The following BAZ1B variants were observed in gnomAD, a reference collection of about 807,000 sequenced individuals.
The protein encoded by BAZ1B is tyrosine-protein kinase BAZ1B.
BAZ1B carries 22 observed loss-of-function variants against 153.8 expected under a neutral mutation model. That is an observed-to-expected ratio of 0.14 (90% confidence interval 0.10 to 0.20). The LOEUF is 0.20. Ranked by LOEUF, BAZ1B falls within the 10% of genes least tolerant of loss-of-function variation. BAZ1B has a pLI of 1.00. For missense variants in BAZ1B, 1,325 were observed against 1,799.3 expected, an observed-to-expected ratio of 0.74 and a Z score of 4.77; for synonymous variants, 676 against 633.4, an observed-to-expected ratio of 1.07 and a Z score of -1.01.
At chr7:73,480,917 G>A (rs1001138233) in intron 6 of BAZ1B, among the ~76,000 whole-genome samples, 1 of 152,020 alleles carries the variant, frequency 6.6e-6, no homozygotes, top group Admixed American at 6.6e-5. Context: ...GTACTATAAA[G>A]CCATTTAAAT....
Position 73,489,266 on chromosome 7 carries a change from G to A in BAZ1B, c.819C>T (p.Val273=), listed in dbSNP as rs782143881. The change falls in exon 6 of 20, where the codon GTC becomes GTT. Residue 273 remains valine (V), a synonymous_variant. Transcript: ENST00000339594. ...RAGTGENAPW[V]VEDELVKKYS... ...ATTTCTTCACCAATTCATCTTCTAC[G>A]ACCCAAGGTGCATTTTCACCAGTAC... 90 of 1,613,950 alleles carry A rather than the reference G, an allele frequency of 5.6e-5. 1 individual carries two copies. The highest frequency in any genetic ancestry group is 7.3e-5 in the Non-Finnish European group (86 of 1,180,036).
At chr7:73,479,063 G>A (rs1789101161) in intron 6 of BAZ1B, among the ~76,000 whole-genome samples, 1 of 150,720 alleles carries the variant, frequency 6.6e-6, no homozygotes, top group African/African-American at 2.5e-5. Flanking sequence ...AAGTAGAAAT[G>A]ATACTGTTTA....
At chr7:73,520,212 A>G (rs1554579933) in intron 1 of BAZ1B, among the ~76,000 whole-genome samples, 1 of 146,896 alleles carries the variant, frequency 6.8e-6, no homozygotes, top group African/African-American at 2.5e-5. Context: ...CTCCGTCTCA[A>G]AAAAAAAAAA....
In BAZ1B at chr7:73,477,315, A is replaced by G; in HGVS notation, c.2146T>C (p.Ser716Pro). ...EGSDTDDNKD[S>P]AAFEDNEVQD... ...ACCTCATTATCCTCAAATGCAGCTG[A>G]ATCTTTATTGTCATCTGTGTCTGAG... Residue 716 changes from serine to proline, a missense_variant, in exon 7 of 20, where the codon TCA becomes CCA. Physicochemically the swap from Ser to Pro is moderately conservative, Grantham distance 74. Coordinates refer to ENST00000339594, the MANE Select transcript of BAZ1B (RefSeq NM_032408.4). The surrounding 1 kb of genome is among the most constrained non-coding windows in gnomAD (Gnocchi z 5.6). The G allele has an allele frequency of 6.2e-7, 1 of 1,614,226 alleles. No homozygotes were observed. Among genetic ancestry groups the G allele is most frequent in the Non-Finnish European group, 8.5e-7 (1 of 1,180,046 alleles).
intron 3 of BAZ1B, among the ~76,000 whole-genome samples, chr7:73,504,301 G>T (rs1245317019): frequency 1.3e-5 from 2 of 152,136 alleles, no homozygotes; most frequent in Non-Finnish European, 2.9e-5. Flanking sequence ...GGAGGATCAT[G>T]CAAGTCCAGG....
intron 3 of BAZ1B, among the ~76,000 whole-genome samples, chr7:73,501,271 C>CA (rs1554577110): frequency 6.6e-6 from 1 of 151,990 alleles, no homozygotes; most frequent in Non-Finnish European, 1.5e-5. Context: ...CAAAACAAAA[C>CA]AAAACAAAAA....
At chr7:73,508,580 T>G in intron 2 of BAZ1B, 109 bp from the exon 3 acceptor site, 2 of 1,285,454 alleles carry the variant, frequency 1.6e-6, no homozygotes, top group Non-Finnish European at 2.1e-6. Flanking sequence ...TTTCAAACAT[T>G]TATCGCTCTG....
chr7:73,466,280 T>A lies in BAZ1B; in HGVS notation c.2972+16A>T. On this transcript the variant is annotated intron_variant, in intron 10 of 19. Coordinates refer to ENST00000339594, the MANE Select transcript of BAZ1B (RefSeq NM_032408.4). The stretch of plus-strand genomic sequence containing the variant: ...AAAGGAAAAAGAAAGAGCAACCAGA[T>A]GAATGCTCACATTACCATAGGTTCT... 1 of 1,559,796 alleles carries A rather than the reference T, an allele frequency of 6.4e-7. No homozygotes were observed. The highest frequency in any genetic ancestry group is 8.8e-7 in the Non-Finnish European group (1 of 1,132,502).
chr7:73,509,998 G>A (rs1359157379), intron 2 of BAZ1B, among the ~76,000 whole-genome samples: 1 of 151,322 alleles, frequency 6.6e-6, no homozygotes, highest in Non-Finnish European at 1.5e-5. Flanking sequence ...GTGGTGGTGA[G>A]CGCCTGTAGA....
chr7:73,476,704 A>G (rs188160483), intron 7 of BAZ1B, among the ~76,000 whole-genome samples, 164 bp downstream of exon 7: 12 of 152,360 alleles, frequency 7.9e-5, no homozygotes, highest in Admixed American at 1.3e-4. Context: ...GAAATATGAA[A>G]TTATCAACAG....
chr7:73,459,597 C>T lies in BAZ1B; in HGVS notation c.3371G>A (p.Ser1124Asn). The T allele has an allele frequency of 1.2e-6, 2 of 1,614,054 alleles. No homozygotes were observed. Among genetic ancestry groups the T allele is most frequent in the South Asian group, 1.1e-5 (1 of 91,086 alleles). The change falls in exon 13 of 20, where the codon AGT becomes AAT. Residue 1124 changes from serine to asparagine, a missense_variant. By Grantham distance (46) the Ser-to-Asn change is conservative. Coordinates refer to ENST00000339594, the MANE Select transcript of BAZ1B (RefSeq NM_032408.4). ...APKQKRRKLQ[S>N]EDSAKTEEVD... ...TTCCTCAGTTTTTGCTGAATCTTCA[C>T]TTTGGAGTTTTCTTCTCTTTTGCTT... is the stretch of plus-strand genomic sequence containing the variant.
At chr7:73,508,964 G>A (rs1371558520) in intron 2 of BAZ1B, among the ~76,000 whole-genome samples, 1 of 148,850 alleles carries the variant, frequency 6.7e-6, no homozygotes, top group Admixed American at 6.8e-5. Flanking sequence ...AGTGAGCCGA[G>A]ATCGCACCAC....
At chr7:73,462,307 T>C (rs1788424078) in intron 12 of BAZ1B, among the ~76,000 whole-genome samples, 1 of 152,212 alleles carries the variant, frequency 6.6e-6, no homozygotes, top group African/African-American at 2.4e-5. Context: ...TATTAATATG[T>C]CTAGAATTAT....
At chr7:73,459,812 GC>G in intron 12 of BAZ1B, 94 bp from the exon 13 acceptor site, 1 of 1,106,554 alleles carries the variant, frequency 9.0e-7, no homozygotes, top group Non-Finnish European at 1.3e-6. Context: ...AGACTCAAAT[GC>G]CACATAACAT....
At chr7:73,451,730 G>C (rs1788032579) in intron 13 of BAZ1B, among the ~76,000 whole-genome samples, 1 of 152,198 alleles carries the variant, frequency 6.6e-6, no homozygotes, top group Admixed American at 6.5e-5. Flanking sequence ...TTCAACATCT[G>C]CTTTGAAAAA....
intron 13 of BAZ1B, among the ~76,000 whole-genome samples, chr7:73,457,100 A>T (rs797032573): frequency 2.6e-5 from 4 of 152,148 alleles, no homozygotes; most frequent in African/African-American, 9.6e-5. Flanking sequence ...GAATTACCAT[A>T]TGATGCAGCA....
At chr7:73,499,634 TGA>T (rs1554576861) in intron 3 of BAZ1B, among the ~76,000 whole-genome samples, 6 of 152,188 alleles carry the variant, frequency 3.9e-5, no homozygotes, top group African/African-American at 1.4e-4. Context: ...CCCAGGTTTT[TGA>T]GGCTGCAGTA....
At chr7:73,493,155 T>C (rs553353339) in intron 4 of BAZ1B, among the ~76,000 whole-genome samples, 5 of 152,134 alleles carry the variant, frequency 3.3e-5, no homozygotes, top group African/African-American at 1.2e-4. Context: ...GTAATAGAAG[T>C]TGGTAAAGAA....
At chr7:73,499,547 A>T (rs1790043681) in intron 3 of BAZ1B, among the ~76,000 whole-genome samples, 1 of 152,176 alleles carries the variant, frequency 6.6e-6, no homozygotes. Flanking sequence ...ACAAAATAAA[A>T]TAAAATTAGC....
Sources: allele counts gnomAD v4.1 joint callset (sites outside exome capture counted in the v4.1 genomes callset), GRCh38; gene constraint gnomAD v4.1.1; non-coding constraint Gnocchi (gnomAD v3.1); transcripts MANE v1.5; gene names NCBI Gene and HGNC (gene_info 2026-07-23, HGNC 2026-07-21).